Variants in TG observed in about 807,000 individuals in gnomAD.
The protein encoded by TG is thyroglobulin, also known as thyroid hormones.
A neutral mutation model predicts 324.7 loss-of-function variants in TG; 270 were observed. That is an observed-to-expected ratio of 0.83 (90% CI 0.75 to 0.92). The LOEUF is 0.92. Among genes scored for constraint, TG ranks in the 40% least tolerant of loss-of-function variants. The pLI is 0.00. For missense variants in TG, 3,591 were observed against 3,456.4 expected (o/e 1.04, Z -0.98); for synonymous variants, 1,401 against 1,327.0 (o/e 1.06, Z -1.21).
At chr8:133,095,578 G>A (rs1204420656) in intron 42 of TG, among the ~76,000 whole-genome samples, 1 of 152,252 alleles carries the variant, frequency 6.6e-6, no homozygotes, top group South Asian at 2.1e-4. Flanking sequence ...ACAGCTAGAT[G>A]TGTTGAGTAT....
At position 133,097,725 on chromosome 8, in the gene TG, G is replaced by A. The variant is rs1275847323; in HGVS notation, c.7572+1352G>A. On this transcript the variant is annotated intron_variant, in intron 43 of 47. Coordinates refer to ENST00000220616, the MANE Select transcript of TG (RefSeq NM_003235.5). ...AACATTGGCTACCTCTGGAGATGTA[G>A]AGATGTGAGAAAGAATATTATGCAT... Among the ~76,000 whole-genome samples, 4 of 152,352 alleles carry A rather than the reference G, an allele frequency of 2.6e-5. No homozygotes were observed. The South Asian group carries it at 6.2e-4, about 24-fold the overall frequency.
At chr8:132,996,012 C>A (rs753203207) in intron 35 of TG, among the ~76,000 whole-genome samples, 3 of 152,164 alleles carry the variant, frequency 2.0e-5, no homozygotes, top group Non-Finnish European at 2.9e-5. Flanking sequence ...GAGGCTGCAG[C>A]TGAGTCATAT....
chr8:133,053,163 C>T (rs138348069), intron 41 of TG, among the ~76,000 whole-genome samples: 1 of 152,184 alleles, frequency 6.6e-6, no homozygotes, highest in Non-Finnish European at 1.5e-5. Context: ...CTCACCTCTG[C>T]AGAGGCTCCA....
intron 35 of TG, among the ~76,000 whole-genome samples, chr8:132,985,006 C>T (rs1488665254): frequency 6.6e-6 from 1 of 152,012 alleles, no homozygotes; most frequent in African/African-American, 2.4e-5. Flanking sequence ...CTGCCACTCC[C>T]ACTCCTAGTA....
chr8:133,057,706 G>A (rs1841697214), intron 41 of TG, among the ~76,000 whole-genome samples: 1 of 150,316 alleles, frequency 6.7e-6, no homozygotes, highest in Admixed American at 6.6e-5. Context: ...GTAGGTTTAA[G>A]ACATTAGTTC....
intron 35 of TG, among the ~76,000 whole-genome samples, chr8:132,992,729 C>T (rs912637692): frequency 1.3e-5 from 2 of 152,146 alleles, no homozygotes; most frequent in Non-Finnish European, 1.5e-5. Context: ...GACCACACCT[C>T]TATAGGGTTT....
At chr8:133,107,848 G>C (rs1849934092) in intron 43 of TG, among the ~76,000 whole-genome samples, 1 of 152,154 alleles carries the variant, frequency 6.6e-6, no homozygotes, top group Admixed American at 6.5e-5. Flanking sequence ...TTTTGCAAGA[G>C]AGACTTATTT....
chr8:133,094,549 G>A (rs117440370), intron 41 of TG: 12 of 201,730 alleles, frequency 5.9e-5, no homozygotes, highest in Non-Finnish European at 1.1e-4. Context: ...TTTTGATGAA[G>A]CAATTTACCC....
At chr8:133,046,975 G>T (rs1190535311) in intron 41 of TG, 4 of 152,098 alleles carry the variant, frequency 2.6e-5, no homozygotes, top group Non-Finnish European at 4.4e-5. Flanking sequence ...AGCAAGCCAA[G>T]AACTTGAAGA....
In TG at chr8:132,911,044, C is replaced by G. The variant is rs7823660; in HGVS notation, c.4003-333C>G. Among the ~76,000 whole-genome samples the G allele has an allele frequency of 1.9e-3, 296 of 152,292 alleles. 1 individual carries two copies. The highest frequency in any genetic ancestry group is 6.6e-3 in the African/African-American group (274 of 41,554). ...GATGCTATAGGGGTTCGGAGATGTCCTGCTGAATATATGTATGGTGAAGAC... is the reference window on the plus strand; with the variant it reads ...GATGCTATAGGGGTTCGGAGATGTCGTGCTGAATATATGTATGGTGAAGAC... On this transcript the variant is annotated intron_variant, in intron 18 of 47. Transcript: ENST00000220616.
intron 41 of TG, among the ~76,000 whole-genome samples, chr8:133,051,614 A>G (rs1840423249): frequency 1.3e-5 from 2 of 152,190 alleles, no homozygotes; most frequent in South Asian, 4.1e-4. Flanking sequence ...TATTGAAAGG[A>G]ATTCTGGTGA....
intron 35 of TG, among the ~76,000 whole-genome samples, chr8:132,984,185 A>G (rs1211070191): frequency 2.6e-5 from 4 of 152,362 alleles, no homozygotes; most frequent in East Asian, 3.9e-4. Flanking sequence ...GTCCTGTGAC[A>G]TGATGTCTAA....
Position 132,920,560 on chromosome 8 carries a change from C to A in TG, c.4528+1035C>A, listed in dbSNP as rs552469899. ...GTCCTTGACATCTGGGCATCACCCT[C>A]AGTTTGTACACAATGACTTGAGTAC... On this transcript the variant is annotated intron_variant, in intron 21 of 47. Coordinates refer to ENST00000220616, the MANE Select transcript of TG (RefSeq NM_003235.5). 7.5e-4 allele frequency among the ~76,000 whole-genome samples: 115 copies of A among 152,338 alleles called. 1 individual carries two copies. The highest frequency in any genetic ancestry group is 1.4e-3 in the Non-Finnish European group (93 of 68,032).
At chr8:133,084,325 A>C (rs144699419) in intron 41 of TG, among the ~76,000 whole-genome samples, 39 of 152,200 alleles carry the variant, frequency 2.6e-4, no homozygotes, top group African/African-American at 9.2e-4. Flanking sequence ...AGAAGCAGTC[A>C]GGGTCTTTTA....
intron 41 of TG, chr8:133,048,008 C>T (rs541465046): frequency 4.3e-5 from 35 of 813,724 alleles, no homozygotes; most frequent in Non-Finnish European, 5.8e-5. Flanking sequence ...CGCCACCCAC[C>T]GTACTAAGCA....
At chr8:132,917,047 T>G (rs183483317) in intron 20 of TG, among the ~76,000 whole-genome samples, 1 of 44,364 alleles carries the variant, frequency 2.3e-5, no homozygotes, top group Non-Finnish European at 5.3e-5. Flanking sequence ...CCCTCCCTCC[T>G]TCCTTCCTTC....
intron 9 of TG, among the ~76,000 whole-genome samples, chr8:132,887,771 T>A (rs1317082140): frequency 2.6e-5 from 4 of 152,186 alleles, no homozygotes. Context: ...ACTGCCACAT[T>A]TCTGCAGTGC....
chr8:132,982,173 C>A (rs929837132), intron 34 of TG, among the ~76,000 whole-genome samples: 1 of 152,160 alleles, frequency 6.6e-6, no homozygotes, highest in Non-Finnish European at 1.5e-5. Flanking sequence ...GTTACTATGC[C>A]CATTTTATAG....
Position 133,131,872 on chromosome 8 carries a change from G to A in TG, c.7923G>A (p.Glu2641=). ...GGCTTCCCTTCTACCCAGCCTACGA[G>A]GGGCAGTTTTCTCTGGAGGAGAAGA... is the stretch of plus-strand genomic sequence containing the variant. ...ALGLPFYPAY[E]GQFSLEEKSL... The change falls in exon 46 of 48, where the codon GAG becomes GAA. Residue 2641 remains glutamate (E), a synonymous_variant. Coordinates refer to ENST00000220616, the MANE Select transcript of TG (RefSeq NM_003235.5). The A allele has an allele frequency of 1.9e-6, 3 of 1,614,158 alleles. No homozygotes were observed. Among genetic ancestry groups the A allele is most frequent in the Non-Finnish European group, 2.5e-6 (3 of 1,180,012 alleles).
Sources: gnomAD v4.1 joint callset for allele counts (sites outside exome capture counted in the v4.1 genomes callset) on GRCh38, gnomAD v4.1.1 for gene constraint, MANE v1.5 for transcripts, NCBI Gene and HGNC (gene_info 2026-07-23, HGNC 2026-07-21) for gene names.